TOM1: variants seen among roughly 807,000 people sequenced by gnomAD.
TOM1 encodes the protein target of Myb protein 1.
In TOM1, 38 loss-of-function variants were observed where a neutral mutation model predicts 61.3. That is an observed-to-expected ratio of 0.62 (90% CI 0.48 to 0.81). The LOEUF is 0.81. Among genes scored for constraint, TOM1 ranks in the 40% least tolerant of loss-of-function variants. The pLI, the probability that TOM1 is intolerant of heterozygous loss-of-function variation, is 0.00. For synonymous variants in TOM1, 270 were observed against 268.8 expected (o/e 1.00, Z -0.04); for missense variants, 591 against 659.6 (o/e 0.90, Z 1.14).
At chr22:35,330,286 A>G (rs1165665796) in intron 7 of TOM1, 61 bp from the exon 8 acceptor site, 6 of 1,531,646 alleles carry the variant, frequency 3.9e-6, no homozygotes, top group Middle Eastern at 1.8e-4. Context: ...CACAAAAAAA[A>G]AAAGAGACGG....
intron 12 of TOM1, among the ~76,000 whole-genome samples, chr22:35,339,549 G>A (rs1338584517): frequency 6.6e-6 from 1 of 152,190 alleles, no homozygotes; most frequent in African/African-American, 2.4e-5. Flanking sequence ...CCGTTCAATA[G>A]TATTCCTCTC....
intron 8 of TOM1, chr22:35,331,262 ATTTTC>A (rs1277712570): frequency 2.2e-6 from 1 of 444,638 alleles, no homozygotes; most frequent in Non-Finnish European, 4.5e-6. Context: ...CACCCAGCTA[ATTTTC>A]TTTTCTTTTT....
intron 1 of TOM1, among the ~76,000 whole-genome samples, chr22:35,316,255 G>A (rs1601677853): frequency 6.6e-6 from 1 of 152,252 alleles, no homozygotes; most frequent in East Asian, 1.9e-4. Context: ...GCGGAGCAAA[G>A]CCTGTCTTAT....
intron 11 of TOM1, among the ~76,000 whole-genome samples, chr22:35,337,015 A>G (rs1234499889): frequency 6.6e-6 from 1 of 150,716 alleles, no homozygotes; most frequent in East Asian, 1.9e-4. Context: ...TGCAGAGTGC[A>G]AGCTCCACCT....
rs534830631 is a variant in TOM1 at position 35,330,440 on chromosome 22, G to T, written c.859G>T (p.Val287Phe). The T allele has an allele frequency of 6.2e-7, 1 of 1,613,328 alleles. No homozygotes were observed. The highest frequency in any genetic ancestry group is 1.1e-5 in the South Asian group (1 of 91,042). Residue 287 changes from valine (V) to phenylalanine (F), a missense_variant, in exon 8 of 15, where the codon GTC becomes TTC. Physicochemically the swap from Val to Phe is conservative, Grantham distance 50. Coordinates refer to ENST00000449058, the MANE Select transcript of TOM1 (RefSeq NM_005488.3). ...GCAGCTGACAGAGGAGCTGCTCATC[G>T]TCAATGACAATCTCAACAATGTGTT... ...NEQLTEELLI[V>F]NDNLNNVFLR... is the part of the protein sequence containing the mutation.
At chr22:35,303,110 T>G (rs73170193) in intron 1 of TOM1, among the ~76,000 whole-genome samples, 3,568 of 144,790 alleles carry the variant, frequency 0.025, 69 homozygotes, top group Non-Finnish European at 0.04. Context: ...AATCACAAAG[T>G]TCTCATCCAC....
At chr22:35,326,426 T>G (rs1928308415) in intron 6 of TOM1, among the ~76,000 whole-genome samples, 1 of 152,206 alleles carries the variant, frequency 6.6e-6, no homozygotes, top group Non-Finnish European at 1.5e-5. Flanking sequence ...GCAGCTTTAT[T>G]GAAAATGTTT....
chr22:35,304,679 C>T (rs1358336857), intron 1 of TOM1, among the ~76,000 whole-genome samples: 4 of 152,170 alleles, frequency 2.6e-5, no homozygotes, highest in Non-Finnish European at 4.4e-5. Context: ...GGGGTTTCAC[C>T]GTGTTAGCCA....
upstream of TOM1, chr22:35,299,815 A>ACCCCC: frequency 8.2e-7 from 1 of 1,221,790 alleles, no homozygotes. Context: ...TCGCGGTGCC[A>ACCCCC]CCGCCCCGCC....
intron 13 of TOM1, among the ~76,000 whole-genome samples, chr22:35,346,302 T>C (rs969261759): frequency 6.6e-6 from 1 of 152,218 alleles, no homozygotes; most frequent in African/African-American, 2.4e-5. Flanking sequence ...AGCTTCTCCG[T>C]CCAGGGCTCC....
At chr22:35,309,150 T>A (rs1171489346) in intron 1 of TOM1, among the ~76,000 whole-genome samples, 6 of 152,208 alleles carry the variant, frequency 3.9e-5, no homozygotes, top group African/African-American at 1.4e-4. Flanking sequence ...TTTTGGTGCT[T>A]GAAATGTATA....
chr22:35,328,193 G>A (rs1928508321), intron 7 of TOM1, among the ~76,000 whole-genome samples: 1 of 152,190 alleles, frequency 6.6e-6, no homozygotes, highest in Admixed American at 6.5e-5. Context: ...GGTGGTGCAG[G>A]GTGGGGAGAA....
rs535445863 is a variant in TOM1 at position 35,315,986 on chromosome 22, G to A, written c.53-1891G>A. Among the ~76,000 whole-genome samples the A allele has an allele frequency of 1.1e-4, 17 of 152,382 alleles. No homozygotes were observed. In the East Asian group the frequency reaches 1.2e-3, roughly 10 times the overall value. The stretch of plus-strand genomic sequence containing the variant: ...ACCCTCCCCGAGCCGGGGCACAGCC[G>A]TGAGGAGAGAGCCTCCCTTGCAGGA... On this transcript the variant is annotated intron_variant, in intron 1 of 14. Coordinates refer to ENST00000449058, the MANE Select transcript of TOM1 (RefSeq NM_005488.3).
At position 35,347,248 on chromosome 22, in the gene TOM1, C is replaced by A; in HGVS notation, c.*39C>A. The A allele has an allele frequency of 1.3e-6, 2 of 1,552,476 alleles. No individual in the cohort carries two copies. The highest frequency in any genetic ancestry group is 1.7e-6 in the Non-Finnish European group (2 of 1,146,676). On this transcript the variant is annotated 3_prime_UTR_variant, in exon 15 of 15. Coordinates refer to ENST00000449058, the MANE Select transcript of TOM1 (RefSeq NM_005488.3). ...CACCCTGCAGCCCAGGTCCCCACTG[C>A]TCTCACACCCTTAGGCTGGGACCTC...
Position 35,330,542 on chromosome 22 carries a change from C to G in TOM1, c.899+62C>G. The G allele has an allele frequency of 2.0e-6, 3 of 1,492,230 alleles. No individual in the cohort carries two copies. The East Asian group carries it at 7.3e-5, about 36-fold the overall frequency. 92.4% of individuals were successfully genotyped at this position (1,492,230 alleles called of 1,614,324 possible). ...CCCCAACCCTCTCCCTTCCCTTCCT[C>G]CCTGTTCTCCTGGTCTCATGCCATC... On this transcript the variant is annotated intron_variant, in intron 8 of 14. Transcript: ENST00000449058.
chr22:35,322,297 C>T (rs62233301), intron 3 of TOM1: 55,192 of 457,498 alleles, frequency 0.12, 3,888 homozygotes, highest in South Asian at 0.16. Context: ...GAGCCTGGGC[C>T]AAAGGACCTG....
chr22:35,334,274 G>A (rs1418759991), intron 10 of TOM1, 54 bp from the exon 11 acceptor site: 12 of 1,576,114 alleles, frequency 7.6e-6, no homozygotes, highest in Non-Finnish European at 7.8e-6. Flanking sequence ...CTCAGCAGCA[G>A]CTCACACACA....
chr22:35,307,895 T>G (rs555191144), intron 1 of TOM1, among the ~76,000 whole-genome samples: 26 of 152,328 alleles, frequency 1.7e-4, no homozygotes, highest in African/African-American at 4.8e-5. Flanking sequence ...GGGAGAAAGA[T>G]AGTTGGTCAA....
At chr22:35,319,625 C>T (rs886182252) in intron 2 of TOM1, among the ~76,000 whole-genome samples, 3 of 151,944 alleles carry the variant, frequency 2.0e-5, no homozygotes, top group Admixed American at 6.6e-5. Context: ...AGGTCAGTGG[C>T]GCATGGCGGA....
Sources: allele counts gnomAD v4.1 joint callset (sites outside exome capture counted in the v4.1 genomes callset), GRCh38; gene constraint gnomAD v4.1.1; transcripts MANE v1.5; gene names NCBI Gene and HGNC (gene_info 2026-07-23, HGNC 2026-07-21).